GDNF: variants seen among roughly 807,000 people sequenced by gnomAD.
GDNF encodes the protein glial cell derived neurotrophic factor, also known as glial cell line-derived neurotrophic factor.
In GDNF, 5 loss-of-function variants were observed where a neutral mutation model predicts 13.7. The ratio of observed to expected loss-of-function variants is 0.36; its 90% CI spans 0.19 to 0.77. GDNF has a LOEUF of 0.77. GDNF is among the 30% of genes least tolerant of loss of function. The pLI is 0.51. For missense variants in GDNF, 246 were observed against 274.3 expected (o/e 0.90, Z 0.73); for synonymous variants, 122 against 112.5 (o/e 1.08, Z -0.53).
At chr5:37,831,193 C>T (rs1750511833) in intron 2 of GDNF, among the ~76,000 whole-genome samples, 1 of 152,150 alleles carries the variant, frequency 6.6e-6, no homozygotes, top group South Asian at 2.1e-4. Context: ...TAGTTGGTTT[C>T]CAGTTGCACA....
chr5:37,821,451 A>G (rs1750137434), intron 2 of GDNF, among the ~76,000 whole-genome samples: 1 of 152,214 alleles, frequency 6.6e-6, no homozygotes, highest in Non-Finnish European at 1.5e-5. Flanking sequence ...TTAAAAAAAT[A>G]ATAGGTCATA....
chr5:37,834,612 G>T (rs753865863), intron 2 of GDNF, 34 bp downstream of exon 2: 2 of 1,449,450 alleles, frequency 1.4e-6, no homozygotes, highest in South Asian at 1.5e-5. Flanking sequence ...GGGGTCCGCC[G>T]GCGGCCCCCC....
At position 37,838,094 on chromosome 5, in the gene GDNF, G is replaced by A. The variant is rs1030398505; in HGVS notation, c.-27+1413C>T. Among the ~76,000 whole-genome samples the A allele has an allele frequency of 6.6e-6, 1 of 151,666 alleles. No homozygotes were observed. Among genetic ancestry groups the A allele is most frequent in the African/African-American group, 2.4e-5 (1 of 41,176 alleles). On this transcript the variant is annotated intron_variant, in intron 1 of 2. Transcript: ENST00000326524. This position sits in a 1 kb window ranked among gnomAD's most constrained non-coding sequence, Gnocchi z 4.1. ...TGCTTCGTGTCCTTGACTGACAGAG[G>A]ACTTATTCTCCCCTCAACCCCCCAT...
chr5:37,828,459 C>T (rs1750407794), intron 2 of GDNF, among the ~76,000 whole-genome samples: 1 of 152,206 alleles, frequency 6.6e-6, no homozygotes, highest in Non-Finnish European at 1.5e-5. Context: ...TTGATAGTCT[C>T]TGCTTCTCTT....
Position 37,815,601 on chromosome 5 carries a change from T to C in GDNF, c.*50A>G. 6.3e-7 allele frequency: 1 copy of C among 1,584,454 alleles called. No homozygotes were observed. ...CATTTCCTGGGAACCTTGGTCCCTTTCTTTGCACTGTAGCAGGAATGCAAT... is the reference window on the plus strand; with the variant it reads ...CATTTCCTGGGAACCTTGGTCCCTTCCTTTGCACTGTAGCAGGAATGCAAT... On this transcript the variant is annotated 3_prime_UTR_variant, in exon 3 of 3. Transcript: ENST00000326524. The surrounding 1 kb of genome is among the most constrained non-coding windows in gnomAD (Gnocchi z 5.0).
intron 2 of GDNF, among the ~76,000 whole-genome samples, chr5:37,820,512 T>A (rs943953190): frequency 6.6e-6 from 1 of 152,186 alleles, no homozygotes; most frequent in Admixed American, 6.5e-5. Context: ...TGAATACACG[T>A]CATAGCAAAT....
chr5:37,823,588 C>T (rs374060028), intron 2 of GDNF, among the ~76,000 whole-genome samples: 3 of 152,142 alleles, frequency 2.0e-5, no homozygotes, highest in Non-Finnish European at 2.9e-5. Context: ...CCGGAAAAGC[C>T]GCAGCCAGCA....
chr5:37,831,821 G>C (rs1022195947), intron 2 of GDNF, among the ~76,000 whole-genome samples: 1 of 152,136 alleles, frequency 6.6e-6, no homozygotes, highest in Non-Finnish European at 1.5e-5. Flanking sequence ...GCAAAATACT[G>C]GCAAAATACT....
chr5:37,835,634 C>T, intron 1 of GDNF: 2 of 1,549,398 alleles, frequency 1.3e-6, no homozygotes, highest in Middle Eastern at 1.7e-4. Context: ...AATGCTTTAC[C>T]ATTGCTGTTA....
In GDNF at chr5:37,812,685, A is replaced by G. The variant is rs967175037; in HGVS notation, c.*2966T>C. The G allele has an allele frequency of 1.3e-5, 2 of 152,236 alleles. No homozygotes were observed. Among genetic ancestry groups the G allele is most frequent in the African/African-American group, 4.8e-5 (2 of 41,450 alleles). 9.4% of individuals were successfully genotyped at this position (152,236 alleles called of 1,614,324 possible). A position where few individuals can be genotyped will look rare whatever the true frequency, so the allele number is the denominator to read the frequency against. ...GTACAGAAGTACAGAGAGCAATAGA[A>G]ATGAGTTTTTATTTGTAAAAAGTTA... is the stretch of plus-strand genomic sequence containing the variant. On this transcript the variant is annotated 3_prime_UTR_variant, in exon 3 of 3. Coordinates refer to ENST00000326524, the MANE Select transcript of GDNF (RefSeq NM_000514.4).
chr5:37,835,848 G>A (rs779305754), intron 1 of GDNF: 24 of 639,678 alleles, frequency 3.8e-5, no homozygotes, highest in Non-Finnish European at 6.5e-5. Context: ...GCACTGGAAG[G>A]CCTAGACCGT....
At chr5:37,818,156 T>G (rs1749998912) in intron 2 of GDNF, among the ~76,000 whole-genome samples, 1 of 152,190 alleles carries the variant, frequency 6.6e-6, no homozygotes, top group Non-Finnish European at 1.5e-5. Flanking sequence ...GGCTGTCCTG[T>G]GCACTGTAGG....
intron 2 of GDNF, among the ~76,000 whole-genome samples, chr5:37,828,306 C>CATTCCTATA (rs1300323581): frequency 6.6e-6 from 1 of 152,180 alleles, no homozygotes; most frequent in Non-Finnish European, 1.5e-5. Context: ...TTGCAAAAAG[C>CATTCCTATA]ATCAATATTA....
At position 37,814,390 on chromosome 5, in the gene GDNF, GCTC is replaced by G. The variant is rs1749836457; in HGVS notation, c.*1258_*1260del. ...CAAGTGCCAGTGGTCTCTGCACGCT[GCTC>G]CAGGAAAGGGGGCTTGCCTGAGATG... On this transcript the variant is annotated 3_prime_UTR_variant, in exon 3 of 3. Coordinates refer to ENST00000326524, the MANE Select transcript of GDNF (RefSeq NM_000514.4). 2 of 152,384 alleles carry G rather than the reference GCTC, an allele frequency of 1.3e-5. No homozygotes were observed. The highest frequency in any genetic ancestry group is 1.3e-4 in the Admixed American group (2 of 15,284). The allele number at this position is 152,384 out of a possible 1,614,324, so 9.4% of individuals were successfully genotyped here.
At position 37,815,282 on chromosome 5, in the gene GDNF, A is replaced by G; in HGVS notation, c.*369T>C. 1 of 336,986 alleles carries G rather than the reference A, an allele frequency of 3.0e-6. No individual in the cohort carries two copies. The highest frequency in any genetic ancestry group is 5.6e-6 in the Non-Finnish European group (1 of 177,486). The allele number at this position is 336,986 out of a possible 1,614,324, so 20.9% of individuals were successfully genotyped here. A position where few individuals can be genotyped will look rare whatever the true frequency, so the allele number is the denominator to read the frequency against. On this transcript the variant is annotated 3_prime_UTR_variant, in exon 3 of 3. Transcript: ENST00000326524. This position sits in a 1 kb window ranked among gnomAD's most constrained non-coding sequence, Gnocchi z 5.0. ...ACAGGAGATACACTGGTTTGGTTCA[A>G]GTGCATCCACCGCAACCGCGCCGGT...
intron 2 of GDNF, among the ~76,000 whole-genome samples, chr5:37,830,291 A>C (rs879622658): frequency 6.6e-6 from 1 of 152,066 alleles, no homozygotes; most frequent in Non-Finnish European, 1.5e-5. Flanking sequence ...GAAAGATCCT[A>C]CCCTGCCTTG....
Position 37,815,402 on chromosome 5 carries a change from G to A in GDNF, c.*249C>T. ...TCTAGTGACATCGGCTGCCATCCTG[G>A]AGAATCCAGAGGGCTGTTTTCTCTC... On this transcript the variant is annotated 3_prime_UTR_variant, in exon 3 of 3. Transcript: ENST00000326524. This position sits in a 1 kb window ranked among gnomAD's most constrained non-coding sequence, Gnocchi z 5.0. 1 of 562,306 alleles carries A rather than the reference G, an allele frequency of 1.8e-6. No homozygotes were observed. Among genetic ancestry groups the A allele is most frequent in the Non-Finnish European group, 3.2e-6 (1 of 313,960 alleles). 34.8% of individuals were successfully genotyped at this position (562,306 alleles called of 1,614,324 possible).
At chr5:37,834,317 G>C (rs1405778693) in intron 2 of GDNF, among the ~76,000 whole-genome samples, 1 of 152,252 alleles carries the variant, frequency 6.6e-6, no homozygotes, top group East Asian at 1.9e-4. Flanking sequence ...TATAGGTGAG[G>C]AAACAGAAAA....
chr5:37,815,738 G>C lies in GDNF; in HGVS notation c.549C>G (p.Ala183=), dbSNP rs1246940793. 3.7e-6 allele frequency: 6 copies of C among 1,613,930 alleles called. No individual in the cohort carries two copies. Among genetic ancestry groups the C allele is most frequent in the Non-Finnish European group, 5.1e-6 (6 of 1,179,896 alleles). Residue 183 remains alanine (A), a synonymous_variant, in exon 3 of 3, where the codon GCC becomes GCG. Coordinates refer to ENST00000326524, the MANE Select transcript of GDNF (RefSeq NM_000514.4). This position sits in a 1 kb window ranked among gnomAD's most constrained non-coding sequence, Gnocchi z 5.0. ...CTAAAAACGACAGGTCATCATCAAA[G>C]GCGATGGGTCTGCAACATGCCTGCC... ...KVGQACCRPI[A]FDDDLSFLDD... is the part of the protein sequence containing the mutation.
Sources: gnomAD v4.1 joint callset for allele counts (sites outside exome capture counted in the v4.1 genomes callset) on GRCh38, gnomAD v4.1.1 for gene constraint, Gnocchi (gnomAD v3.1) non-coding constraint, MANE v1.5 for transcripts, NCBI Gene and HGNC (gene_info 2026-07-23, HGNC 2026-07-21) for gene names.